The following AKAP19 variants were observed in gnomAD, a reference collection of about 807,000 sequenced individuals.
AKAP19 encodes the protein small A-kinase anchoring protein.
the AKAP19 span, among the ~76,000 whole-genome samples, chr2:190,000,173 C>T: frequency 6.6e-6 from 1 of 152,150 alleles, no homozygotes; most frequent in Non-Finnish European, 1.5e-5. Flanking sequence ...TACCTTGAAC[C>T]TCAGACCTAC....
At chr2:190,053,803 T>C in the AKAP19 span, among the ~76,000 whole-genome samples, 1 of 152,250 alleles carries the variant, frequency 6.6e-6, no homozygotes, top group African/African-American at 2.4e-5. Flanking sequence ...TTGTATGTAA[T>C]TAATATACAA....
the AKAP19 span, chr2:189,917,482 C>T: frequency 9.2e-5 from 63 of 681,504 alleles, no homozygotes; most frequent in Non-Finnish European, 2.1e-5. Context: ...CTCTTTGAAA[C>T]AGATATTCTG....
the AKAP19 span, among the ~76,000 whole-genome samples, chr2:190,011,426 T>C: frequency 6.6e-6 from 1 of 152,182 alleles, no homozygotes; most frequent in Admixed American, 6.5e-5. Flanking sequence ...TGCAGAAGCT[T>C]TTTACATGAT....
At chr2:190,189,664 C>T in the AKAP19 span, 4 of 152,086 alleles carry the variant, frequency 2.6e-5, no homozygotes, top group South Asian at 8.3e-4. Context: ...GGTTATATAT[C>T]CCTCTCTCTA....
chr2:190,175,968 T>C, the AKAP19 span, among the ~76,000 whole-genome samples: 9 of 152,156 alleles, frequency 5.9e-5, no homozygotes, highest in Non-Finnish European at 1.3e-4. Flanking sequence ...TAGCTAGGGT[T>C]CCCCACCTCT....
At chr2:190,125,630 C>T in the AKAP19 span, among the ~76,000 whole-genome samples, 1 of 152,120 alleles carries the variant, frequency 6.6e-6, no homozygotes, top group Non-Finnish European at 1.5e-5. Flanking sequence ...TTATGAAAAA[C>T]AGTCCGGGAT....
chr2:189,893,355 C>A, the AKAP19 span, among the ~76,000 whole-genome samples: 1 of 152,166 alleles, frequency 6.6e-6, no homozygotes, highest in East Asian at 1.9e-4. Context: ...GGCGTAGGCA[C>A]CTGAAGGAAT....
chr2:190,060,324 G>A, the AKAP19 span: 3 of 1,612,750 alleles, frequency 1.9e-6, no homozygotes, highest in Non-Finnish European at 2.5e-6. Context: ...AGTCTCGACG[G>A]GTCTCAAATA....
At chr2:190,115,276 TA>T in the AKAP19 span, among the ~76,000 whole-genome samples, 7 of 4,274 alleles carry the variant, frequency 1.6e-3, no homozygotes, top group Non-Finnish European at 4.0e-3. Context: ...TATATATATA[TA>T]TATATATATA....
chr2:189,914,991 C>G, the AKAP19 span, among the ~76,000 whole-genome samples: 8 of 152,056 alleles, frequency 5.3e-5, no homozygotes, highest in African/African-American at 1.4e-4. Flanking sequence ...AAATTACGTG[C>G]GAAGTAAATT....
At chr2:190,032,292 A>G in the AKAP19 span, among the ~76,000 whole-genome samples, 1 of 152,166 alleles carries the variant, frequency 6.6e-6, no homozygotes, top group Admixed American at 6.5e-5. Context: ...CATGCCAAAA[A>G]TACTTAGGAT....
At chr2:190,051,551 T>A in the AKAP19 span, among the ~76,000 whole-genome samples, 14 of 152,226 alleles carry the variant, frequency 9.2e-5, no homozygotes, top group Non-Finnish European at 1.5e-4. Flanking sequence ...GCAGAGCTAA[T>A]TCTCCCATAA....
At chr2:189,908,239 G>A in the AKAP19 span, among the ~76,000 whole-genome samples, 3 of 149,860 alleles carry the variant, frequency 2.0e-5, no homozygotes, top group Admixed American at 2.0e-4. Context: ...TGTTGCTTAG[G>A]CTGGAGTGCA....
chr2:190,169,457 G>C, the AKAP19 span, among the ~76,000 whole-genome samples: 1 of 152,156 alleles, frequency 6.6e-6, no homozygotes, highest in Non-Finnish European at 1.5e-5. Context: ...ATAAAGATAC[G>C]GAAGATTAGG....
the AKAP19 span, among the ~76,000 whole-genome samples, chr2:190,165,616 T>A: frequency 6.6e-6 from 1 of 152,048 alleles, no homozygotes; most frequent in African/African-American, 2.4e-5. Flanking sequence ...AGCACAAAGA[T>A]ATAGAGATGG....
chr2:190,029,115 T>C, the AKAP19 span, among the ~76,000 whole-genome samples: 1 of 151,810 alleles, frequency 6.6e-6, no homozygotes, highest in Non-Finnish European at 1.5e-5. Context: ...TGCAATGGTG[T>C]GATCTTGGCT....
the AKAP19 span, among the ~76,000 whole-genome samples, chr2:189,932,036 C>A: frequency 6.6e-6 from 1 of 152,200 alleles, no homozygotes; most frequent in African/African-American, 2.4e-5. Flanking sequence ...ACTGTTCTTA[C>A]TTTGGTCCAG....
chr2:189,889,166 G>A, the AKAP19 span, among the ~76,000 whole-genome samples: 1 of 152,090 alleles, frequency 6.6e-6, no homozygotes, highest in Admixed American at 6.6e-5. Context: ...TTTTGTCAAA[G>A]GCCTTTTCTG....
the AKAP19 span, among the ~76,000 whole-genome samples, chr2:190,158,630 G>T: frequency 0.3 from 44,922 of 151,618 alleles, 7,088 homozygotes; most frequent in African/African-American, 0.4. Context: ...TCATTTAAGA[G>T]ATTTTTTTCT....
Sources: gnomAD v4.1 joint callset for allele counts (sites outside exome capture counted in the v4.1 genomes callset) on GRCh38, gnomAD v4.1.1 for gene constraint, MANE v1.5 for transcripts, NCBI Gene and HGNC (gene_info 2026-07-23, HGNC 2026-07-21) for gene names.